Variants in ABTB3 observed in about 807,000 individuals in gnomAD.
ABTB3 encodes the protein ankyrin repeat- and BTB/POZ domain-containing protein 3.
the ABTB3 span, among the ~76,000 whole-genome samples, chr12:107,527,582 GT>G: frequency 2.5e-3 from 371 of 145,882 alleles, no homozygotes; most frequent in Non-Finnish European, 3.7e-3. Context: ...AAGAGTTTTT[GT>G]TTTTTTTTTT....
chr12:107,445,155 A>G, the ABTB3 span, among the ~76,000 whole-genome samples: 1 of 152,202 alleles, frequency 6.6e-6, no homozygotes, highest in Non-Finnish European at 1.5e-5. Context: ...GTGGACAGGT[A>G]TTGATTGTCA....
chr12:107,510,557 TAAAAC>T, the ABTB3 span, among the ~76,000 whole-genome samples: 1 of 151,970 alleles, frequency 6.6e-6, no homozygotes, highest in South Asian at 2.1e-4. Flanking sequence ...AAAGAAGAAA[TAAAAC>T]AGAGTGAGGG....
chr12:107,610,831 C>G, the ABTB3 span, among the ~76,000 whole-genome samples: 1 of 152,130 alleles, frequency 6.6e-6, no homozygotes, highest in Non-Finnish European at 1.5e-5. Context: ...AGGCAGCTAT[C>G]CCCCCTAACT....
At chr12:107,325,164 A>G in the ABTB3 span, among the ~76,000 whole-genome samples, 1 of 152,244 alleles carries the variant, frequency 6.6e-6, no homozygotes, top group Non-Finnish European at 1.5e-5. Flanking sequence ...GGGATCCCCA[A>G]TCACTTAATA....
chr12:107,585,042 G>A, the ABTB3 span, among the ~76,000 whole-genome samples: 7 of 151,968 alleles, frequency 4.6e-5, no homozygotes, highest in African/African-American at 1.5e-4. Context: ...TAATATATTC[G>A]ACAGGGTTTC....
At chr12:107,385,930 G>A in the ABTB3 span, among the ~76,000 whole-genome samples, 1 of 152,320 alleles carries the variant, frequency 6.6e-6, no homozygotes, top group African/African-American at 2.4e-5. Flanking sequence ...GGGAACCCTG[G>A]AACTTTGAGG....
the ABTB3 span, among the ~76,000 whole-genome samples, chr12:107,592,867 C>T: frequency 6.6e-6 from 1 of 151,990 alleles, no homozygotes; most frequent in Non-Finnish European, 1.5e-5. Context: ...GGATGGTCAG[C>T]GTGTAGGTGG....
the ABTB3 span, among the ~76,000 whole-genome samples, chr12:107,407,024 C>A: frequency 2.6e-5 from 4 of 152,056 alleles, no homozygotes; most frequent in African/African-American, 9.7e-5. Flanking sequence ...CTTTCCCTTC[C>A]TATTTCCTCA....
the ABTB3 span, among the ~76,000 whole-genome samples, chr12:107,578,383 CTTTTTTTTTTTTTTTTTT>C: frequency 3.5e-5 from 2 of 57,196 alleles, no homozygotes; most frequent in South Asian, 9.4e-4. Flanking sequence ...CTTTCTTCTT[CTTTTTTTTTTTTTTTTTT>C]TTTTTTTTTT....
the ABTB3 span, among the ~76,000 whole-genome samples, chr12:107,321,520 A>C: frequency 3.3e-5 from 5 of 150,548 alleles, no homozygotes; most frequent in African/African-American, 4.9e-5. Context: ...GATCTCGGAG[A>C]CTCTTCGGGA....
At chr12:107,619,460 G>C in the ABTB3 span, among the ~76,000 whole-genome samples, 2 of 152,150 alleles carry the variant, frequency 1.3e-5, no homozygotes, top group African/African-American at 2.4e-5. Flanking sequence ...GTCTTAGCCA[G>C]AGCTGTAAAT....
chr12:107,471,922 A>G, the ABTB3 span, among the ~76,000 whole-genome samples: 1 of 152,174 alleles, frequency 6.6e-6, no homozygotes. Context: ...CCCCATCAAG[A>G]GGCATAATCT....
At chr12:107,644,420 C>T in the ABTB3 span, among the ~76,000 whole-genome samples, 8 of 152,290 alleles carry the variant, frequency 5.3e-5, no homozygotes, top group South Asian at 1.7e-3. Flanking sequence ...GCGGTCTCCC[C>T]CACCTTCTCC....
the ABTB3 span, among the ~76,000 whole-genome samples, chr12:107,349,321 G>A: frequency 6.6e-6 from 1 of 152,196 alleles, no homozygotes; most frequent in Admixed American, 6.5e-5. Flanking sequence ...GGAGGAATGT[G>A]GGGCGGCATC....
the ABTB3 span, among the ~76,000 whole-genome samples, chr12:107,586,387 G>A: frequency 6.8e-4 from 104 of 152,222 alleles, no homozygotes; most frequent in African/African-American, 2.4e-3. Context: ...GCCTTGGAAA[G>A]CTCCCCAGCC....
chr12:107,420,104 T>C, the ABTB3 span, among the ~76,000 whole-genome samples: 1 of 152,174 alleles, frequency 6.6e-6, no homozygotes, highest in Non-Finnish European at 1.5e-5. Flanking sequence ...TTTCCCCACA[T>C]GAGAGTCAAA....
At chr12:107,448,705 A>G in the ABTB3 span, among the ~76,000 whole-genome samples, 1 of 151,568 alleles carries the variant, frequency 6.6e-6, no homozygotes, top group Non-Finnish European at 1.5e-5. Context: ...CAGTGGCACA[A>G]TCTTGGCTCA....
At chr12:107,452,969 G>T in the ABTB3 span, among the ~76,000 whole-genome samples, 1 of 152,322 alleles carries the variant, frequency 6.6e-6, no homozygotes, top group East Asian at 1.9e-4. Flanking sequence ...GGGTGGGGCT[G>T]AGACGCCTTT....
chr12:107,557,091 A>G, the ABTB3 span, among the ~76,000 whole-genome samples: 1 of 152,210 alleles, frequency 6.6e-6, no homozygotes, highest in Admixed American at 6.5e-5. Flanking sequence ...ATCTCCTGAC[A>G]CAAATTGCTA....
Sources: allele counts gnomAD v4.1 joint callset (sites outside exome capture counted in the v4.1 genomes callset), GRCh38; gene constraint gnomAD v4.1.1; transcripts MANE v1.5; gene names NCBI Gene and HGNC (gene_info 2026-07-23, HGNC 2026-07-21).